ABCA3: variants seen among roughly 807,000 people sequenced by gnomAD.
The protein encoded by ABCA3 is ATP binding cassette subfamily A member 3.
A neutral mutation model predicts 172.8 loss-of-function variants in ABCA3; 88 were observed. The ratio of observed to expected loss-of-function variants is 0.51; its 90% CI spans 0.43 to 0.61. ABCA3 has a LOEUF of 0.61. Among genes scored for constraint, ABCA3 ranks in the 20% least tolerant of loss-of-function variants. ABCA3 has a pLI of 0.00. For synonymous variants in ABCA3, 1,066 were observed against 983.8 expected, an observed-to-expected ratio of 1.08 and a Z score of -1.56; for missense variants, 2,164 against 2,301.0, an observed-to-expected ratio of 0.94 and a Z score of 1.22.
At chr16:2,289,747 A>G (rs753290293) in intron 19 of ABCA3, 127 bp from the exon 20 acceptor site, 4 of 969,146 alleles carry the variant, frequency 4.1e-6, no homozygotes, top group Non-Finnish European at 6.1e-6. Context: ...GCATCTGCTT[A>G]TGTGTTTCCT....
At position 2,299,431 on chromosome 16, in the gene ABCA3, C is replaced by T. The variant is rs2093685385; in HGVS notation, c.1713G>A (p.Gly571=). 1 of 1,613,716 alleles carries T rather than the reference C, an allele frequency of 6.2e-7. No individual in the cohort carries two copies. The highest frequency in any genetic ancestry group is 8.5e-7 in the Non-Finnish European group (1 of 1,179,976). The change falls in exon 14 of 33, where the codon GGG becomes GGA. Residue 571 remains glycine, a synonymous_variant. Transcript: ENST00000301732. ...ITVLLGHNGA[G]KTTTLSMLTG... ...TGAGCATGGAGAGGGTGGTGGTCTT[C>T]CCGGCACCGTTGTGGCCCAGCAGGA...
Position 2,297,634 on chromosome 16 carries a change from C to T in ABCA3, c.2053-95G>A, listed in dbSNP as rs899918088. On this transcript the variant is annotated intron_variant, in intron 16 of 32. Transcript: ENST00000301732. The surrounding 1 kb of genome is among the most constrained non-coding windows in gnomAD (Gnocchi z 5.6). ...GGCCCCATCGAGGGGTTCGCGGAGC[C>T]GGCTTGAGTCCTCCAAGGATGGTGA... 39 of 1,588,198 alleles carry T rather than the reference C, an allele frequency of 2.5e-5. No homozygotes were observed. Among genetic ancestry groups the T allele is most frequent in the Middle Eastern group, 4.5e-4 (2 of 4,440 alleles).
Position 2,279,059 on chromosome 16 carries a change from C to T in ABCA3, c.4431G>A (p.Leu1477=). ...LLDHMTGREM[L]VMYARLRGIP... Reference sequence around the variant, plus strand: ...TGCCCCGGAGCCGAGCGTACATGACCAGCATCTCCCGGCCTGTCATGTGGT... The same window carrying T: ...TGCCCCGGAGCCGAGCGTACATGACTAGCATCTCCCGGCCTGTCATGTGGT... The change falls in exon 29 of 33, where the codon CTG becomes CTA. Residue 1477 remains leucine, a synonymous_variant. Transcript: ENST00000301732. This position sits in a 1 kb window ranked among gnomAD's most constrained non-coding sequence, Gnocchi z 4.4. 6.2e-7 allele frequency: 1 copy of T among 1,613,334 alleles called. No homozygotes were observed. Among genetic ancestry groups the T allele is most frequent in the South Asian group, 1.1e-5 (1 of 91,078 alleles).
At chr16:2,321,630 C>T (rs1048587270) in intron 7 of ABCA3, among the ~76,000 whole-genome samples, 12 of 152,106 alleles carry the variant, frequency 7.9e-5, no homozygotes, top group African/African-American at 2.9e-4. Context: ...CGAGTCACTT[C>T]TTGGCTGTCC....
chr16:2,283,480 G>A lies in ABCA3; in HGVS notation c.3863-122C>T. ...CGCCTGTAACAATGTCCCCTCCATG[G>A]GGAGATGTGAAGGCCAGTAGGTCAC... On this transcript the variant is annotated intron_variant, in intron 25 of 32. Transcript: ENST00000301732. The surrounding 1 kb of genome is among the most constrained non-coding windows in gnomAD (Gnocchi z 5.4). 8.4e-7 allele frequency: 1 copy of A among 1,195,334 alleles called. No individual in the cohort carries two copies. The highest frequency in any genetic ancestry group is 1.2e-6 in the Non-Finnish European group (1 of 858,176). The allele number at this position is 1,195,334 out of a possible 1,614,324, so 74.0% of individuals were successfully genotyped here. A position where few individuals can be genotyped will look rare whatever the true frequency, so the allele number is the denominator to read the frequency against.
Position 2,326,198 on chromosome 16 carries a change from A to C in ABCA3, c.131T>G (p.Leu44Trp). ...GGGCACATTTTCCGACTGAATCTTC[A>C]AGCGGAGCCAGATGAGGATCCCAGA... ...LFSGILIWLR[L>W]KIQSENVPNA... is the part of the protein sequence containing the mutation. Residue 44 changes from leucine (L) to tryptophan (W), a missense_variant, in exon 5 of 33, where the codon TTG becomes TGG. Around this residue, in one of 3 missense-constraint regions of ABCA3, gnomAD observed 1,343 missense variants for 1,369.6 expected, o/e 0.98. Transcript: ENST00000301732. 1 of 1,614,118 alleles carries C rather than the reference A, an allele frequency of 6.2e-7. No homozygotes were observed. Among genetic ancestry groups the C allele is most frequent in the South Asian group, 1.1e-5 (1 of 91,084 alleles).
At position 2,284,665 on chromosome 16, in the gene ABCA3, A is replaced by C; in HGVS notation, c.3703+114T>G. ...AGCTGGGGCAGAGGGGCTGGTGAGC[A>C]TGAACTGGGCCCATTGCCTGAGTCC... On this transcript the variant is annotated intron_variant, in intron 24 of 32. Transcript: ENST00000301732. The surrounding 1 kb of genome is among the most constrained non-coding windows in gnomAD (Gnocchi z 5.9). 7.8e-7 allele frequency: 1 copy of C among 1,276,224 alleles called. No individual in the cohort carries two copies. The highest frequency in any genetic ancestry group is 1.1e-6 in the Non-Finnish European group (1 of 910,454). 79.1% of individuals were successfully genotyped at this position (1,276,224 alleles called of 1,614,324 possible). A position where few individuals can be genotyped will look rare whatever the true frequency, so the allele number is the denominator to read the frequency against.
chr16:2,329,136 C>G (rs559286880), intron 2 of ABCA3, among the ~76,000 whole-genome samples: 2 of 152,070 alleles, frequency 1.3e-5, no homozygotes, highest in South Asian at 4.1e-4. Flanking sequence ...TTTAATGAAT[C>G]ATATTGTTAA....
Position 2,297,238 on chromosome 16 carries a change from T to G in ABCA3, c.2263+91A>C. 6.9e-7 allele frequency: 1 copy of G among 1,445,958 alleles called. No individual in the cohort carries two copies. Among genetic ancestry groups the G allele is most frequent in the Non-Finnish European group, 9.5e-7 (1 of 1,052,794 alleles). The allele number at this position is 1,445,958 out of a possible 1,614,324, so 89.6% of individuals were successfully genotyped here. ...AAGTCTAGAAAAGGCCACCCCTGCC[T>G]GATCTGAGGGCCCTTCATGAAGGTA... On this transcript the variant is annotated intron_variant, in intron 17 of 32. Transcript: ENST00000301732. This position sits in a 1 kb window ranked among gnomAD's most constrained non-coding sequence, Gnocchi z 5.6.
chr16:2,328,727 C>T lies in ABCA3; in HGVS notation c.-301G>A. On this transcript the variant is annotated 5_prime_UTR_variant, in exon 3 of 33. Transcript: ENST00000301732. ...TCCTTGACTCACAGTGGAAGAGTTT[C>T]AGGTTCAGTTGCTCAGCTCCACACT... 5.7e-6 allele frequency: 2 copies of T among 348,120 alleles called. No individual in the cohort carries two copies. Among genetic ancestry groups the T allele is most frequent in the Non-Finnish European group, 1.2e-5 (2 of 172,406 alleles). The allele number at this position is 348,120 out of a possible 1,614,324, so 21.6% of individuals were successfully genotyped here.
chr16:2,336,045 C>T (rs1282231397), intron 1 of ABCA3, among the ~76,000 whole-genome samples: 2 of 152,224 alleles, frequency 1.3e-5, no homozygotes, highest in Middle Eastern at 3.4e-3. Flanking sequence ...ATAGACACAA[C>T]GTAATCTGTC....
intron 10 of ABCA3, among the ~76,000 whole-genome samples, chr16:2,316,896 GAAGGCAGGA>G (rs1242039450): frequency 6.6e-6 from 1 of 152,174 alleles, no homozygotes; most frequent in East Asian, 1.9e-4. Context: ...AAGGCCAACA[GAAGGCAGGA>G]AAGGAAAACA....
At chr16:2,308,354 T>C in intron 11 of ABCA3, 96 bp downstream of exon 11, 1 of 1,493,618 alleles carries the variant, frequency 6.7e-7, no homozygotes, top group Non-Finnish European at 9.2e-7. Flanking sequence ...CTGCCAACCG[T>C]CCCAGGTGGA....
In ABCA3 at chr16:2,289,633, A is replaced by G; in HGVS notation, c.2514-13T>C. ...CAGCTTCCCGACCCTGTGCCGATAC[A>G]CACAGGGACCGGTCAGGACCCAGCT... On this transcript the variant is annotated splice_polypyrimidine_tract_variant and intron_variant, in intron 19 of 32. Transcript: ENST00000301732. The G allele has an allele frequency of 1.9e-6, 3 of 1,547,660 alleles. No individual in the cohort carries two copies. Among genetic ancestry groups the G allele is most frequent in the Non-Finnish European group, 2.6e-6 (3 of 1,146,980 alleles).
intron 12 of ABCA3, among the ~76,000 whole-genome samples, chr16:2,301,750 C>T (rs1173877001): frequency 2.0e-5 from 3 of 151,720 alleles, no homozygotes; most frequent in South Asian, 2.1e-4. Context: ...AACTAGCCAT[C>T]GGTAGGGAAT....
rs199856529 is a variant in ABCA3 at position 2,299,353 on chromosome 16, G to A, written c.1741+50C>T. 3.8e-5 allele frequency: 61 copies of A among 1,609,610 alleles called. No homozygotes were observed. In the African/African-American group the frequency reaches 7.6e-4, roughly 20 times the overall value. On this transcript the variant is annotated intron_variant, in intron 14 of 32. Transcript: ENST00000301732. ...GAGGCGGGGCTGGCGCTGAGATGGT[G>A]TTAAAGGGGGGCCTGCTGGTGGCAG...
intron 17 of ABCA3, among the ~76,000 whole-genome samples, chr16:2,295,992 A>T (rs568850397): frequency 6.6e-6 from 1 of 152,314 alleles, no homozygotes; most frequent in South Asian, 2.1e-4. Context: ...ACCTGCTGGA[A>T]GGTGGGGTCT....
At position 2,286,185 on chromosome 16, in the gene ABCA3, T is replaced by G. The variant is rs1716808570; in HGVS notation, c.3278+509A>C. Reference sequence around the variant, plus strand: ...AGTGGCTATTCTGAAATTAACAGAATTTTTGGCCTCCTCTGGGTGGTTCCA... The same window carrying G: ...AGTGGCTATTCTGAAATTAACAGAAGTTTTGGCCTCCTCTGGGTGGTTCCA... On this transcript the variant is annotated intron_variant, in intron 22 of 32. Coordinates refer to ENST00000301732, the MANE Select transcript of ABCA3 (RefSeq NM_001089.3). The surrounding 1 kb of genome is among the most constrained non-coding windows in gnomAD (Gnocchi z 5.2). 6.6e-6 allele frequency among the ~76,000 whole-genome samples: 1 copy of G among 152,194 alleles called. No individual in the cohort carries two copies. Among genetic ancestry groups the G allele is most frequent in the Non-Finnish European group, 1.5e-5 (1 of 68,026 alleles).
In ABCA3 at chr16:2,285,741, G is replaced by A. The variant is rs1052782153; in HGVS notation, c.3279-95C>T. ...GTTATGACCGCCCAAGGCATGCAGG[G>A]CAGCAGCCCAACCACTAAAGGGGCT... On this transcript the variant is annotated intron_variant, in intron 22 of 32. Transcript: ENST00000301732. This position sits in a 1 kb window ranked among gnomAD's most constrained non-coding sequence, Gnocchi z 4.7. 8.8e-6 allele frequency: 11 copies of A among 1,247,198 alleles called. No individual in the cohort carries two copies. The highest frequency in any genetic ancestry group is 7.4e-5 in the African/African-American group (5 of 67,138). 77.3% of individuals were successfully genotyped at this position (1,247,198 alleles called of 1,614,324 possible).
Sources: gnomAD v4.1 joint callset for allele counts (sites outside exome capture counted in the v4.1 genomes callset) on GRCh38, gnomAD v4.1.1 for gene constraint, gnomAD v4.1.1 regional missense constraint, Gnocchi (gnomAD v3.1) non-coding constraint, MANE v1.5 for transcripts, NCBI Gene and HGNC (gene_info 2026-07-23, HGNC 2026-07-21) for gene names.